RGS17: variants seen among roughly 807,000 people sequenced by gnomAD.
RGS17 encodes the protein regulator of G-protein signaling 17.
A neutral mutation model predicts 25.5 loss-of-function variants in RGS17; 12 were observed. The ratio of observed to expected loss-of-function variants is 0.47; its 90% CI spans 0.30 to 0.76. The LOEUF (loss-of-function observed/expected upper bound fraction) is 0.76. RGS17 is among the 30% of genes least tolerant of loss of function. The pLI is 0.07. For missense variants in RGS17, 196 were observed against 242.2 expected (o/e 0.81, Z 1.27); for synonymous variants, 71 against 76.9 (o/e 0.92, Z 0.40).
chr6:153,114,145 T>C (rs1028930897), intron 1 of RGS17, among the ~76,000 whole-genome samples: 10 of 152,054 alleles, frequency 6.6e-5, no homozygotes, highest in African/African-American at 2.4e-4. Flanking sequence ...ATCCAGGAAC[T>C]GGTTTTTTTA....
In RGS17 at chr6:153,131,272, A is replaced by AGGAGGG. The variant is rs1435823949; in HGVS notation, c.-180_-175dup. The AGGAGGG allele has an allele frequency of 8.1e-5, 5 of 61,680 alleles. No individual in the cohort carries two copies. Among genetic ancestry groups the AGGAGGG allele is most frequent in the African/African-American group, 1.2e-4 (2 of 16,722 alleles). The allele number at this position is 61,680 out of a possible 1,614,324, so 3.8% of individuals were successfully genotyped here. On this transcript the variant is annotated 5_prime_UTR_variant, in exon 1 of 5. Transcript: ENST00000206262. ...GAGAGGGAGAGCGGCGAGGATGCAG[A>AGGAGGG]GGAGGGGGAGGGGGAGGAGGGAGCG... is the stretch of plus-strand genomic sequence containing the variant.
chr6:153,103,755 A>T (rs1777340910), intron 1 of RGS17, among the ~76,000 whole-genome samples: 2 of 152,258 alleles, frequency 1.3e-5, no homozygotes. Flanking sequence ...AATTTTAAAG[A>T]CAATCCACAA....
chr6:153,107,194 A>T (rs1031992207), intron 1 of RGS17, among the ~76,000 whole-genome samples: 2 of 151,796 alleles, frequency 1.3e-5, no homozygotes, highest in Admixed American at 6.6e-5. Context: ...TTAGCCGGGC[A>T]TGGTGGTGGG....
chr6:153,038,658 A>C (rs760215484), intron 2 of RGS17, among the ~76,000 whole-genome samples: 1 of 152,168 alleles, frequency 6.6e-6, no homozygotes, highest in Non-Finnish European at 1.5e-5. Context: ...CTGTGTGAGG[A>C]GTTTTATTTC....
intron 1 of RGS17, among the ~76,000 whole-genome samples, chr6:153,127,124 T>C (rs1193067895): frequency 2.6e-5 from 4 of 152,056 alleles, no homozygotes; most frequent in Admixed American, 6.5e-5. Context: ...CAGCTCACAA[T>C]AGGGGTCACG....
In RGS17 at chr6:153,050,369, G is replaced by A. The variant is rs554862823; in HGVS notation, c.-25-6326C>T. 2.4e-3 allele frequency among the ~76,000 whole-genome samples: 363 copies of A among 152,190 alleles called. 5 individuals are homozygous for A. The highest frequency in any genetic ancestry group is 7.9e-3 in the African/African-American group (330 of 41,528). On this transcript the variant is annotated intron_variant, in intron 1 of 4. Coordinates refer to ENST00000206262, the MANE Select transcript of RGS17 (RefSeq NM_012419.5). ...TGGAAGATACAAAGGAATATTATCC[G>A]TAATAATAAGTAACACATTGCAATT...
At chr6:153,033,743 AT>A (rs1430885607) in intron 2 of RGS17, among the ~76,000 whole-genome samples, 1 of 152,004 alleles carries the variant, frequency 6.6e-6, no homozygotes, top group African/African-American at 2.4e-5. Flanking sequence ...ATAAATAAAA[AT>A]AAAATAAAAA....
At chr6:153,054,747 A>C (rs2129113043) in intron 1 of RGS17, among the ~76,000 whole-genome samples, 1 of 151,958 alleles carries the variant, frequency 6.6e-6, no homozygotes, top group African/African-American at 2.4e-5. Flanking sequence ...CTTAAAAAAA[A>C]CATCATAGGC....
intron 2 of RGS17, among the ~76,000 whole-genome samples, chr6:153,041,936 G>C (rs1181133261): frequency 1.3e-5 from 2 of 152,098 alleles, no homozygotes; most frequent in African/African-American, 4.8e-5. Context: ...CACTGCTCTT[G>C]GCTTGTTATG....
chr6:153,070,444 A>C (rs1376410725), intron 1 of RGS17, among the ~76,000 whole-genome samples: 1 of 152,124 alleles, frequency 6.6e-6, no homozygotes, highest in Non-Finnish European at 1.5e-5. Flanking sequence ...AGTTATGTCT[A>C]TGTATACAAG....
At chr6:153,078,336 A>G (rs977867411) in intron 1 of RGS17, among the ~76,000 whole-genome samples, 48 of 152,304 alleles carry the variant, frequency 3.2e-4, no homozygotes, top group African/African-American at 1.1e-3. Context: ...ATCTTCATTG[A>G]GGTTGAATTA....
At chr6:153,126,081 A>C (rs936616228) in intron 1 of RGS17, among the ~76,000 whole-genome samples, 2 of 152,284 alleles carry the variant, frequency 1.3e-5, no homozygotes, top group Admixed American at 6.5e-5. Flanking sequence ...TTTCACCTAG[A>C]GCTTAGTAGT....
chr6:153,126,942 C>A (rs148747996), intron 1 of RGS17, among the ~76,000 whole-genome samples: 1 of 152,274 alleles, frequency 6.6e-6, no homozygotes, highest in African/African-American at 2.4e-5. Context: ...ATATGAAGTT[C>A]TAAAACAGCC....
chr6:153,092,990 TC>T (rs1254713784), intron 1 of RGS17, among the ~76,000 whole-genome samples: 1 of 151,732 alleles, frequency 6.6e-6, no homozygotes, highest in South Asian at 2.1e-4. Context: ...GGGGAGAGAG[TC>T]CTAACAAAGA....
chr6:153,026,092 T>C lies in RGS17; in HGVS notation c.209+362A>G, dbSNP rs184454554. ...GTGCCCTTCCTCACTCACTTGGACA[T>C]TCCATATCATTTGTGTGTGTGTTTA... On this transcript the variant is annotated intron_variant, in intron 3 of 4. Coordinates refer to ENST00000206262, the MANE Select transcript of RGS17 (RefSeq NM_012419.5). Among the ~76,000 whole-genome samples, 4 of 152,266 alleles carry C rather than the reference T, an allele frequency of 2.6e-5. No homozygotes were observed. The East Asian group carries it at 7.7e-4, about 29-fold the overall frequency.
At chr6:153,071,004 T>G (rs983403405) in intron 1 of RGS17, among the ~76,000 whole-genome samples, 5 of 150,656 alleles carry the variant, frequency 3.3e-5, no homozygotes, top group African/African-American at 1.2e-4. Flanking sequence ...TATGTACATG[T>G]GTATATGCAC....
chr6:153,119,615 C>T (rs1183329071), intron 1 of RGS17, among the ~76,000 whole-genome samples: 2 of 152,066 alleles, frequency 1.3e-5, no homozygotes, highest in African/African-American at 4.8e-5. Context: ...ATTGCTTGAA[C>T]CCGGGAGGTG....
intron 2 of RGS17, among the ~76,000 whole-genome samples, chr6:153,028,433 G>A (rs912519018): frequency 9.2e-5 from 14 of 152,300 alleles, no homozygotes; most frequent in African/African-American, 3.4e-4. Flanking sequence ...AGGTATTTGC[G>A]TGTGAGTGCT....
intron 3 of RGS17, among the ~76,000 whole-genome samples, chr6:153,026,134 A>G (rs1464307414): frequency 6.6e-6 from 1 of 152,184 alleles, no homozygotes; most frequent in African/African-American, 2.4e-5. Context: ...TCTCTTATAA[A>G]GAGAAAAACT....
Sources: gnomAD v4.1 joint callset for allele counts (sites outside exome capture counted in the v4.1 genomes callset) on GRCh38, gnomAD v4.1.1 for gene constraint, MANE v1.5 for transcripts, NCBI Gene and HGNC (gene_info 2026-07-23, HGNC 2026-07-21) for gene names.